The following SYNE2 variants were observed in gnomAD, a reference collection of about 807,000 sequenced individuals.
The protein encoded by SYNE2 is nesprin-2.
In SYNE2, 431 loss-of-function variants were observed where a neutral mutation model predicts 856.3. That is an observed-to-expected ratio of 0.50 (90% CI 0.47 to 0.55). SYNE2 has a LOEUF of 0.55. SYNE2 is among the 20% of genes least tolerant of loss of function. SYNE2 has a pLI of 0.00. For synonymous variants in SYNE2, 2,923 were observed against 2,872.3 expected, an observed-to-expected ratio of 1.02 and a Z score of -0.56; for missense variants, 8,129 against 8,023.2, an observed-to-expected ratio of 1.01 and a Z score of -0.50.
chr14:63,990,866 A>G, intron 20 of SYNE2, 76 bp from the exon 21 acceptor site: 1 of 1,218,284 alleles, frequency 8.2e-7, no homozygotes, highest in South Asian at 1.3e-5. Context: ...GTGGGAAAAT[A>G]ACAAAGTATT....
chr14:63,984,440 T>G (rs868658269), intron 18 of SYNE2, among the ~76,000 whole-genome samples: 1 of 152,166 alleles, frequency 6.6e-6, no homozygotes, highest in East Asian at 1.9e-4. Flanking sequence ...GCAGTGTAAA[T>G]TGAGTTGTTA....
At chr14:63,876,220 C>G in intron 1 of SYNE2, among the ~76,000 whole-genome samples, 1 of 143,802 alleles carries the variant, frequency 7.0e-6, no homozygotes, top group East Asian at 2.0e-4. Context: ...TGAGACCAGC[C>G]TGGGCAACAC....
intron 2 of SYNE2, among the ~76,000 whole-genome samples, chr14:63,912,849 G>GATA (rs1457034763): frequency 6.6e-6 from 1 of 152,224 alleles, no homozygotes; most frequent in African/African-American, 2.4e-5. Flanking sequence ...AGAGCAGGAC[G>GATA]ATAAGCAAGT....
In SYNE2 at chr14:64,001,941, T is replaced by A; in HGVS notation, c.3646T>A (p.Ser1216Thr). The part of the protein sequence containing the change: ...LQMTLNTRME[S>T]LETALRLVLP... ...GATTTACCTTGCACCCAGAATGGAA[T>A]CTTTAGAGACAGCACTGCGGCTTGT... is the stretch of plus-strand genomic sequence containing the variant. The change falls in exon 29 of 116, where the codon TCT becomes ACT. Residue 1216 changes from serine to threonine, a missense_variant. By Grantham distance (58) the Ser-to-Thr change is moderately conservative. Around this residue, in one of 3 missense-constraint regions of SYNE2, gnomAD observed 2,422 missense variants for 2,357.4 expected, o/e 1.03. Coordinates refer to ENST00000555002, the MANE Select transcript of SYNE2 (RefSeq NM_182914.3). 1 of 1,614,166 alleles carries A rather than the reference T, an allele frequency of 6.2e-7. No individual in the cohort carries two copies. Among genetic ancestry groups the A allele is most frequent in the Non-Finnish European group, 8.5e-7 (1 of 1,180,008 alleles).
At chr14:64,037,134 T>C (rs1322623839) in intron 45 of SYNE2, among the ~76,000 whole-genome samples, 3 of 133,674 alleles carry the variant, frequency 2.2e-5, no homozygotes, top group Non-Finnish European at 4.7e-5. Context: ...CTGTCTCCTC[T>C]TTTTTTTTTT....
intron 26 of SYNE2, among the ~76,000 whole-genome samples, 177 bp downstream of exon 26, chr14:63,998,505 T>C (rs777822742): frequency 3.9e-5 from 6 of 152,230 alleles, no homozygotes; most frequent in Non-Finnish European, 8.8e-5. Context: ...AAAATATTTC[T>C]TTGTGTTATT....
intron 1 of SYNE2, among the ~76,000 whole-genome samples, chr14:63,861,963 G>T (rs187709612): frequency 6.6e-6 from 1 of 152,068 alleles, no homozygotes; most frequent in African/African-American, 2.4e-5. Flanking sequence ...ATTGCATAAC[G>T]ATTACCCAGA....
intron 7 of SYNE2, 69 bp downstream of exon 7, chr14:63,950,075 C>A: frequency 1.3e-6 from 2 of 1,485,752 alleles, no homozygotes; most frequent in South Asian, 1.1e-5. Context: ...CCTCACCACC[C>A]AAACACCTCC....
intron 100 of SYNE2, among the ~76,000 whole-genome samples, chr14:64,207,560 AAG>A (rs1405820750): frequency 3.3e-5 from 5 of 151,646 alleles, no homozygotes; most frequent in East Asian, 3.9e-4. Context: ...AAAAAAAAAA[AAG>A]AGAGTATGAA....
chr14:63,944,823 G>GTTTTT (rs2095995950), intron 6 of SYNE2, among the ~76,000 whole-genome samples: 2 of 65,786 alleles, frequency 3.0e-5, no homozygotes, highest in African/African-American at 1.8e-4. Context: ...TGGGCTTAAA[G>GTTTTT]CTTTTTTTTT....
chr14:63,786,738 G>C (rs1489738316), intron 1 of SYNE2, among the ~76,000 whole-genome samples: 1 of 151,998 alleles, frequency 6.6e-6, no homozygotes, highest in African/African-American at 2.4e-5. Flanking sequence ...ATTTTGCCTA[G>C]ATTTAATAAT....
chr14:64,141,939 C>A lies in SYNE2; in HGVS notation c.15160-3C>A. ...TTAAATGGAAATCATTTTGTTCTTA[C>A]AGCTTCAAATGGAGAAATTGCCGTC... On this transcript the variant is annotated splice_region_variant and splice_polypyrimidine_tract_variant and intron_variant, in intron 81 of 115. Coordinates refer to ENST00000555002, the MANE Select transcript of SYNE2 (RefSeq NM_182914.3). 1 of 1,613,778 alleles carries A rather than the reference C, an allele frequency of 6.2e-7. No homozygotes were observed.
chr14:63,862,451 G>A (rs531436553), intron 1 of SYNE2, among the ~76,000 whole-genome samples: 3 of 152,090 alleles, frequency 2.0e-5, no homozygotes, highest in African/African-American at 7.2e-5. Context: ...GCCCAGGCTG[G>A]TCTCAAACTT....
At chr14:63,899,068 C>T (rs371531750) in intron 1 of SYNE2, among the ~76,000 whole-genome samples, 26 of 152,292 alleles carry the variant, frequency 1.7e-4, no homozygotes, top group African/African-American at 5.3e-4. Flanking sequence ...ATTCTACTGT[C>T]TGTCTCTATA....
chr14:64,151,694 A>G (rs1416360276), intron 84 of SYNE2, among the ~76,000 whole-genome samples: 1 of 152,190 alleles, frequency 6.6e-6, no homozygotes, highest in Non-Finnish European at 1.5e-5. Context: ...AATGCTAAAG[A>G]AAGTATGCAG....
rs1021676290 is a variant in SYNE2, at chr14:64,218,765, C to G, written c.19657+253C>G. 3.9e-5 allele frequency among the ~76,000 whole-genome samples: 6 copies of G among 152,184 alleles called. No homozygotes were observed. In the South Asian group the frequency reaches 8.3e-4, roughly 21 times the overall value. ...CCTCCTGAGGAAGTGCAGGTTTTCA[C>G]TTTCTATATTTGTGTGTAAAGATCA... is the stretch of plus-strand genomic sequence containing the variant. On this transcript the variant is annotated intron_variant, in intron 109 of 115. Transcript: ENST00000555002.
intron 110 of SYNE2, among the ~76,000 whole-genome samples, chr14:64,219,632 G>A (rs1171738943): frequency 6.6e-6 from 1 of 152,190 alleles, no homozygotes; most frequent in Non-Finnish European, 1.5e-5. Flanking sequence ...TGATCCCAGA[G>A]TACTGGGGAG....
intron 10 of SYNE2, among the ~76,000 whole-genome samples, chr14:63,964,523 A>G (rs1032475053): frequency 2.0e-5 from 3 of 151,566 alleles, no homozygotes. Flanking sequence ...TTTTATTTTT[A>G]TTTTTATTTT....
Position 64,004,069 on chromosome 14 carries a change from G to A in SYNE2, c.4397+739G>A, listed in dbSNP as rs1443466938. Among the ~76,000 whole-genome samples, 3 of 151,884 alleles carry A rather than the reference G, an allele frequency of 2.0e-5. No individual in the cohort carries two copies. The East Asian group carries it at 5.8e-4, about 29-fold the overall frequency. The stretch of plus-strand genomic sequence containing the variant: ...TCGACAGAGTCTTGCTCTGTCAACA[G>A]GCTGGAGTTCAGTGGTGCGATCTTG... On this transcript the variant is annotated intron_variant, in intron 30 of 115. Coordinates refer to ENST00000555002, the MANE Select transcript of SYNE2 (RefSeq NM_182914.3).
Sources: gnomAD v4.1 joint callset for allele counts (sites outside exome capture counted in the v4.1 genomes callset) on GRCh38, gnomAD v4.1.1 for gene constraint, gnomAD v4.1.1 regional missense constraint, MANE v1.5 for transcripts, NCBI Gene and HGNC (gene_info 2026-07-23, HGNC 2026-07-21) for gene names.